The following FRAS1 variants were observed in gnomAD, a reference collection of about 807,000 sequenced individuals.
FRAS1 encodes the protein Fraser extracellular matrix complex subunit 1, also known as extracellular matrix organizing protein FRAS1.
A neutral mutation model predicts 435.2 loss-of-function variants in FRAS1; 290 were observed. The observed-to-expected ratio is 0.67, with a 90% confidence interval of 0.61 to 0.73. FRAS1 has a LOEUF of 0.73. FRAS1 is among the 30% of genes least tolerant of loss of function. The pLI is 0.00. For missense variants in FRAS1, 4,860 were observed against 5,001.5 expected (o/e 0.97, Z 0.85); for synonymous variants, 1,800 against 1,851.0 (o/e 0.97, Z 0.71).
chr4:78,202,927 C>T (rs367906461), intron 2 of FRAS1, among the ~76,000 whole-genome samples: 14 of 152,296 alleles, frequency 9.2e-5, no homozygotes, highest in African/African-American at 1.4e-4. Flanking sequence ...CATCACATCT[C>T]CCCCTCTTCT....
chr4:78,354,624 T>C (rs1578269011), intron 20 of FRAS1, among the ~76,000 whole-genome samples: 1 of 152,336 alleles, frequency 6.6e-6, no homozygotes, highest in East Asian at 1.9e-4. Flanking sequence ...AAATCATTTC[T>C]TTTTCACCTG....
intron 47 of FRAS1, among the ~76,000 whole-genome samples, chr4:78,455,725 C>T (rs980946953): frequency 5.3e-5 from 8 of 152,132 alleles, no homozygotes; most frequent in Non-Finnish European, 2.9e-5. Context: ...CAGACCTAAG[C>T]CTTCTGTCAC....
Position 78,438,696 on chromosome 4 carries a change from G to A in FRAS1, c.5344G>A (p.Asp1782Asn). 1.2e-6 allele frequency: 2 copies of A among 1,604,292 alleles called. No homozygotes were observed. Among genetic ancestry groups the A allele is most frequent in the Non-Finnish European group, 8.5e-7 (1 of 1,174,874 alleles). Residue 1782 changes from aspartate to asparagine, a missense_variant, in exon 39 of 74, where the codon GAC (aspartate) becomes AAC (asparagine). Asp to Asn is a conservative substitution (Grantham distance 23). Coordinates refer to ENST00000512123, the MANE Select transcript of FRAS1 (RefSeq NM_025074.7). ...AGAAGTTTCCAATTTCACAATGGAA[G>A]ACATCAATAACAAGAAAATCAGGTA... ...LSEVSNFTME[D>N]INNKKIRYSA...
At chr4:78,451,008 C>G (rs1719001784) in intron 45 of FRAS1, among the ~76,000 whole-genome samples, 1 of 152,152 alleles carries the variant, frequency 6.6e-6, no homozygotes, top group South Asian at 2.1e-4. Context: ...CGCCCACACA[C>G]TAACACCTAA....
At chr4:78,524,843 T>C (rs1198550527) in intron 69 of FRAS1, among the ~76,000 whole-genome samples, 2 of 152,044 alleles carry the variant, frequency 1.3e-5, no homozygotes, top group Admixed American at 6.6e-5. Context: ...GGAAAATGAA[T>C]GGTATGGAGC....
chr4:78,116,209 G>T (rs571406651), intron 2 of FRAS1, among the ~76,000 whole-genome samples: 31 of 152,144 alleles, frequency 2.0e-4, no homozygotes, highest in African/African-American at 7.2e-4. Flanking sequence ...TTGTTATAAT[G>T]TCTGTTCTTT....
intron 59 of FRAS1, among the ~76,000 whole-genome samples, chr4:78,490,056 A>G (rs992427996): frequency 1.3e-5 from 2 of 151,802 alleles, no homozygotes; most frequent in South Asian, 4.2e-4. Context: ...CAGAGAAGAC[A>G]AAGAAGGGTA....
intron 19 of FRAS1, among the ~76,000 whole-genome samples, chr4:78,335,074 A>G (rs930444519): frequency 1.3e-5 from 2 of 152,136 alleles, no homozygotes; most frequent in Admixed American, 6.5e-5. Flanking sequence ...TTCTTTTCAC[A>G]TAAGAAATGA....
intron 27 of FRAS1, 23 bp downstream of exon 27, chr4:78,380,019 T>C (rs1434105723): frequency 1.9e-5 from 30 of 1,603,390 alleles, no homozygotes; most frequent in African/African-American, 2.7e-5. Context: ...TCTGTTGTTT[T>C]CTTCCTGCCT....
intron 64 of FRAS1, among the ~76,000 whole-genome samples, chr4:78,511,944 A>G (rs1721056309): frequency 6.6e-6 from 1 of 152,182 alleles, no homozygotes; most frequent in African/African-American, 2.4e-5. Flanking sequence ...TGGCACCTGT[A>G]TATGCTTCTT....
intron 2 of FRAS1, among the ~76,000 whole-genome samples, chr4:78,093,880 C>T (rs1741653293): frequency 6.6e-6 from 1 of 152,082 alleles, no homozygotes; most frequent in East Asian, 1.9e-4. Context: ...GCAGCAATTT[C>T]AGAAGTTTGT....
At chr4:78,124,697 T>G (rs1247243857) in intron 2 of FRAS1, among the ~76,000 whole-genome samples, 1 of 152,224 alleles carries the variant, frequency 6.6e-6, no homozygotes, top group African/African-American at 2.4e-5. Flanking sequence ...CCTGGTTTAG[T>G]CTTGGGAGGG....
chr4:78,488,716 A>G (rs1029617380), intron 58 of FRAS1, among the ~76,000 whole-genome samples, 159 bp from the exon 59 acceptor site: 3 of 152,172 alleles, frequency 2.0e-5, no homozygotes, highest in Non-Finnish European at 4.4e-5. Flanking sequence ...AGCAACAACC[A>G]TGCTTTGGAA....
intron 66 of FRAS1, among the ~76,000 whole-genome samples, chr4:78,517,521 G>A: frequency 6.6e-6 from 1 of 152,194 alleles, no homozygotes; most frequent in Non-Finnish European, 1.5e-5. Context: ...TTTTGTTGTT[G>A]TCTGTTTCTT....
intron 60 of FRAS1, 72 bp from the exon 61 acceptor site, chr4:78,499,649 G>T: frequency 7.4e-7 from 1 of 1,351,420 alleles, no homozygotes; most frequent in Admixed American, 1.8e-5. Flanking sequence ...TCATTATAAG[G>T]TGTTTTCCTG....
intron 2 of FRAS1, among the ~76,000 whole-genome samples, chr4:78,096,723 C>A (rs144965006): frequency 6.6e-6 from 1 of 152,208 alleles, no homozygotes; most frequent in Non-Finnish European, 1.5e-5. Context: ...GGCACCAAAT[C>A]CCTACACTCC....
Position 78,539,337 on chromosome 4 carries a change from T to A in FRAS1, c.11342T>A (p.Val3781Glu), listed in dbSNP as rs772160780. The change falls in exon 73 of 74, where the codon GTG (valine) becomes GAG (glutamate). Residue 3781 changes from valine to glutamate, a missense_variant. Coordinates refer to ENST00000512123, the MANE Select transcript of FRAS1 (RefSeq NM_025074.7). Reference sequence around the variant, plus strand: ...GTAACTGATAAGTACTTCCATGATGTGCCTTTTGAGGCTCACTTTGCCTCT... The same window carrying A: ...GTAACTGATAAGTACTTCCATGATGAGCCTTTTGAGGCTCACTTTGCCTCT... Reference protein sequence around the residue: ...PEVTDKYFHDVPFEAHFASEL... With the variant: ...PEVTDKYFHDEPFEAHFASEL... 6.2e-7 allele frequency: 1 copy of A among 1,613,444 alleles called. No homozygotes were observed. The highest frequency in any genetic ancestry group is 8.5e-7 in the Non-Finnish European group (1 of 1,179,672).
intron 45 of FRAS1, 146 bp downstream of exon 45, chr4:78,450,485 AT>A (rs35488967): frequency 7.0e-4 from 398 of 564,572 alleles, no homozygotes; most frequent in African/African-American, 2.1e-3. Context: ...TTGTTTTCTT[AT>A]TTTTTTTTTC....
At position 78,451,840 on chromosome 4, in the gene FRAS1, G is replaced by A; in HGVS notation, c.6532G>A (p.Asp2178Asn). The change falls in exon 46 of 74, where the codon GAT (aspartate) becomes AAT (asparagine). Residue 2178 changes from aspartate to asparagine, a missense_variant. Transcript: ENST00000512123. The part of the protein sequence containing the change: ...GSFAFKFDVV[D>N]GEGNRLIDKS... Reference sequence around the variant, plus strand: ...CTTTGCTTTTAAATTTGATGTGGTTGATGGAGAAGGCAACAGATTGATTGA... The same window carrying A: ...CTTTGCTTTTAAATTTGATGTGGTTAATGGAGAAGGCAACAGATTGATTGA... 8.7e-6 allele frequency: 14 copies of A among 1,613,200 alleles called. No homozygotes were observed. The highest frequency in any genetic ancestry group is 1.2e-5 in the Non-Finnish European group (14 of 1,179,384).
Sources: gnomAD v4.1 joint callset for allele counts (sites outside exome capture counted in the v4.1 genomes callset) on GRCh38, gnomAD v4.1.1 for gene constraint, MANE v1.5 for transcripts, NCBI Gene and HGNC (gene_info 2026-07-23, HGNC 2026-07-21) for gene names.